CSMD1: variants seen among roughly 807,000 people sequenced by gnomAD.
CSMD1 encodes CUB and Sushi multiple domains 1, also known as CUB and sushi domain-containing protein 1.
In CSMD1, 213 loss-of-function variants were observed where a neutral mutation model predicts 417.5. That is an observed-to-expected ratio of 0.51 (90% CI 0.46 to 0.57). CSMD1 has a LOEUF of 0.57. Among genes scored for constraint, CSMD1 ranks in the 20% least tolerant of loss-of-function variants. The pLI is 0.00. For synonymous variants in CSMD1, 2,862 were observed against 1,736.8 expected (o/e 1.65, Z -16.11); for missense variants, 6,923 against 4,529.7 (o/e 1.53, Z -15.17).
chr8:4,937,093 G>C (rs995513977), intron 1 of CSMD1, among the ~76,000 whole-genome samples: 1 of 152,164 alleles, frequency 6.6e-6, no homozygotes, highest in Non-Finnish European at 1.5e-5. Flanking sequence ...CACACCTGTA[G>C]TCCCAGCTAT....
At chr8:2,992,356 T>A (rs192276983) in intron 54 of CSMD1, among the ~76,000 whole-genome samples, 4 of 152,098 alleles carry the variant, frequency 2.6e-5, no homozygotes, top group Non-Finnish European at 4.4e-5. Flanking sequence ...AACATGGTCA[T>A]GGCGAAAGCG....
intron 5 of CSMD1, among the ~76,000 whole-genome samples, chr8:3,884,938 T>C (rs1806455930): frequency 6.7e-6 from 1 of 148,906 alleles, no homozygotes; most frequent in Non-Finnish European, 1.5e-5. Flanking sequence ...TATTCATATA[T>C]ATATATACAC....
At chr8:3,345,628 C>G (rs550741224) in intron 22 of CSMD1, among the ~76,000 whole-genome samples, 1 of 152,150 alleles carries the variant, frequency 6.6e-6, no homozygotes, top group Non-Finnish European at 1.5e-5. Context: ...TCAAAGGGTT[C>G]TTTTCAGTTA....
intron 7 of CSMD1, among the ~76,000 whole-genome samples, chr8:3,699,664 T>G (rs1211530878): frequency 6.6e-6 from 1 of 152,204 alleles, no homozygotes; most frequent in Non-Finnish European, 1.5e-5. Flanking sequence ...TGACAAATAT[T>G]TACTGGTGAT....
chr8:4,964,689 G>A (rs147851742), intron 1 of CSMD1, among the ~76,000 whole-genome samples: 221 of 152,040 alleles, frequency 1.5e-3, no homozygotes, highest in African/African-American at 5.3e-3. Flanking sequence ...CATTCTCCAG[G>A]TTCCAGAAAC....
intron 7 of CSMD1, among the ~76,000 whole-genome samples, chr8:3,679,215 C>G: frequency 6.6e-6 from 1 of 152,110 alleles, no homozygotes; most frequent in East Asian, 1.9e-4. Flanking sequence ...GGGCTAAATG[C>G]TCCAATTACA....
intron 11 of CSMD1, among the ~76,000 whole-genome samples, chr8:3,480,046 C>A (rs909409682): frequency 1.3e-5 from 2 of 152,094 alleles, no homozygotes; most frequent in Admixed American, 1.3e-4. Context: ...CACTAAACAA[C>A]AGAGACAAAA....
chr8:4,812,968 C>T (rs1466918950), intron 1 of CSMD1, among the ~76,000 whole-genome samples: 2 of 152,114 alleles, frequency 1.3e-5, no homozygotes, highest in Non-Finnish European at 2.9e-5. Context: ...TAAACAATTC[C>T]ACAAAAATAG....
At chr8:3,694,533 G>C (rs998721535) in intron 7 of CSMD1, among the ~76,000 whole-genome samples, 1 of 151,996 alleles carries the variant, frequency 6.6e-6, no homozygotes, top group Non-Finnish European at 1.5e-5. Context: ...AGGAGGCCGG[G>C]TGAGATCCCC....
intron 5 of CSMD1, among the ~76,000 whole-genome samples, chr8:3,846,686 TTCTC>T (rs1466110394): frequency 1.3e-5 from 2 of 152,142 alleles, no homozygotes; most frequent in African/African-American, 4.8e-5. Context: ...GAGATGGAGT[TTCTC>T]TCTGTCGCCC....
intron 3 of CSMD1, among the ~76,000 whole-genome samples, chr8:4,103,846 T>C (rs1005757807): frequency 2.6e-5 from 4 of 152,228 alleles, no homozygotes; most frequent in Admixed American, 6.5e-5. Flanking sequence ...TCTAACTCCC[T>C]GGCAGCATTG....
At chr8:4,219,050 C>A (rs982345774) in intron 3 of CSMD1, among the ~76,000 whole-genome samples, 1 of 152,134 alleles carries the variant, frequency 6.6e-6, no homozygotes, top group African/African-American at 2.4e-5. Context: ...AATGGTCATA[C>A]GTTAGAGGTA....
At chr8:4,553,499 G>C (rs1455944271) in intron 2 of CSMD1, among the ~76,000 whole-genome samples, 4 of 151,334 alleles carry the variant, frequency 2.6e-5, no homozygotes, top group African/African-American at 7.3e-5. Flanking sequence ...ATAAAGGAGG[G>C]AGAGACTGCT....
intron 1 of CSMD1, among the ~76,000 whole-genome samples, chr8:4,747,418 T>C (rs146702219): frequency 3.3e-5 from 5 of 152,174 alleles, no homozygotes; most frequent in African/African-American, 1.2e-4. Context: ...AGCAATACAA[T>C]AGTGTGTTAA....
intron 3 of CSMD1, among the ~76,000 whole-genome samples, chr8:4,189,684 G>C (rs888155982): frequency 7.2e-5 from 11 of 152,090 alleles, no homozygotes; most frequent in African/African-American, 2.7e-4. Context: ...CATTTGAACG[G>C]AAAGAGTGTT....
intron 5 of CSMD1, among the ~76,000 whole-genome samples, chr8:3,879,136 T>C (rs1011380896): frequency 1.3e-5 from 2 of 152,200 alleles, no homozygotes; most frequent in African/African-American, 4.8e-5. Context: ...ACAATCATTT[T>C]GTTTTATTAG....
chr8:4,041,935 T>C (rs1350458214), intron 3 of CSMD1, among the ~76,000 whole-genome samples: 3 of 152,006 alleles, frequency 2.0e-5, no homozygotes, highest in South Asian at 2.1e-4. Flanking sequence ...CATGTAGAGA[T>C]AGCAAGATAA....
At chr8:3,655,665 T>G (rs1430508699) in intron 7 of CSMD1, among the ~76,000 whole-genome samples, 4 of 150,852 alleles carry the variant, frequency 2.7e-5, no homozygotes, top group African/African-American at 7.3e-5. Flanking sequence ...TTGCGTTTTT[T>G]TTTTTTTTTT....
rs775184730 is a variant in CSMD1 at position 3,096,839 on chromosome 8, A to C, written c.7138+10T>G. On this transcript the variant is annotated intron_variant, in intron 47 of 69. Transcript: ENST00000635120. ...GAGGTCACTGCTCTACAAAGATTAA[A>C]GAAACTTACCATCAAACACTTCCAG... The C allele has an allele frequency of 5.2e-6, 8 of 1,534,638 alleles. No homozygotes were observed. The highest frequency in any genetic ancestry group is 6.2e-6 in the Non-Finnish European group (7 of 1,135,584).
Sources: gnomAD v4.1 joint callset for allele counts (sites outside exome capture counted in the v4.1 genomes callset) on GRCh38, gnomAD v4.1.1 for gene constraint, MANE v1.5 for transcripts, NCBI Gene and HGNC (gene_info 2026-07-23, HGNC 2026-07-21) for gene names.